The following CSMD1 variants were observed in gnomAD, a reference collection of about 807,000 sequenced individuals.
The protein encoded by CSMD1 is CUB and sushi domain-containing protein 1.
CSMD1 carries 213 observed loss-of-function variants against 417.5 expected under a neutral mutation model. The ratio of observed to expected loss-of-function variants is 0.51; its 90% CI spans 0.46 to 0.57. The LOEUF is 0.57. Among genes scored for constraint, CSMD1 ranks in the 20% least tolerant of loss-of-function variants. The probability of loss-of-function intolerance (pLI) is 0.00; values close to 1 mark genes in which losing one functional copy is unlikely to be tolerated. For synonymous variants in CSMD1, 2,862 were observed against 1,736.8 expected (o/e 1.65, Z -16.11); for missense variants, 6,923 against 4,529.7 (o/e 1.53, Z -15.17).
At chr8:4,282,385 C>T (rs191890948) in intron 3 of CSMD1, among the ~76,000 whole-genome samples, 7 of 152,270 alleles carry the variant, frequency 4.6e-5, no homozygotes, top group African/African-American at 1.7e-4. Flanking sequence ...TTCATTTTCT[C>T]GGACTCATTA....
At chr8:3,949,782 C>G (rs1185028750) in intron 5 of CSMD1, among the ~76,000 whole-genome samples, 1 of 152,162 alleles carries the variant, frequency 6.6e-6, no homozygotes, top group Non-Finnish European at 1.5e-5. Context: ...GCCACAAGCA[C>G]TGTTGCCTCT....
intron 27 of CSMD1, among the ~76,000 whole-genome samples, chr8:3,228,305 A>G (rs953433260): frequency 4.6e-5 from 7 of 152,258 alleles, no homozygotes; most frequent in African/African-American, 1.7e-4. Flanking sequence ...AATTATAATT[A>G]ACTCATGCCC....
chr8:4,709,880 T>A (rs1808181651), intron 1 of CSMD1, among the ~76,000 whole-genome samples: 1 of 152,088 alleles, frequency 6.6e-6, no homozygotes, highest in Admixed American at 6.5e-5. Context: ...CAATGAACGT[T>A]TAAAGTAAAC....
At chr8:3,011,093 A>C (rs949671726) in intron 52 of CSMD1, among the ~76,000 whole-genome samples, 8 of 152,226 alleles carry the variant, frequency 5.3e-5, no homozygotes, top group Admixed American at 3.3e-4. Flanking sequence ...TAGATTTCAT[A>C]AAAGAAGAAC....
At chr8:3,724,424 T>G (rs1307902742) in intron 6 of CSMD1, among the ~76,000 whole-genome samples, 2 of 152,202 alleles carry the variant, frequency 1.3e-5, no homozygotes, top group Non-Finnish European at 2.9e-5. Flanking sequence ...TTAAATGAAG[T>G]GATAAACATT....
intron 10 of CSMD1, among the ~76,000 whole-genome samples, chr8:3,535,283 A>C (rs1032891107): frequency 1.5e-4 from 23 of 152,118 alleles, no homozygotes; most frequent in African/African-American, 4.3e-4. Context: ...GACGACACTG[A>C]AATAGTTATT....
intron 5 of CSMD1, among the ~76,000 whole-genome samples, chr8:3,871,863 T>C (rs972718573): frequency 3.3e-5 from 5 of 152,158 alleles, no homozygotes; most frequent in African/African-American, 1.2e-4. Flanking sequence ...AGAACTCCCT[T>C]CTGAAAGAAA....
chr8:4,398,053 A>G (rs545548642), intron 3 of CSMD1, among the ~76,000 whole-genome samples: 5 of 152,334 alleles, frequency 3.3e-5, no homozygotes, highest in Admixed American at 2.6e-4. Flanking sequence ...CTCTCTAGAA[A>G]TATCAAATAG....
In CSMD1 at chr8:4,201,432, G is replaced by A. The variant is rs997883814; in HGVS notation, c.416-169333C>T. 2.6e-5 allele frequency among the ~76,000 whole-genome samples: 4 copies of A among 151,284 alleles called. No individual in the cohort carries two copies. The East Asian group carries it at 5.9e-4, about 22-fold the overall frequency. The stretch of plus-strand genomic sequence containing the variant: ...GGGCGCCTGTAGTCCCAGCTACTCA[G>A]GAGGCTGAGGCAGGAGAATGGCATG... On this transcript the variant is annotated intron_variant, in intron 3 of 69. Coordinates refer to ENST00000635120, the MANE Select transcript of CSMD1 (RefSeq NM_033225.6).
intron 5 of CSMD1, among the ~76,000 whole-genome samples, chr8:3,926,111 AC>A (rs1199309911): frequency 5.6e-5 from 5 of 89,902 alleles, no homozygotes; most frequent in African/African-American, 8.9e-5. Context: ...ACACACACAC[AC>A]ACACACACAC....
chr8:4,591,485 C>A (rs185577227), intron 2 of CSMD1, among the ~76,000 whole-genome samples: 2 of 152,266 alleles, frequency 1.3e-5, no homozygotes, highest in African/African-American at 2.4e-5. Context: ...GAGCTGTAAA[C>A]CTGCATGGTA....
chr8:3,503,480 G>A (rs78250773), intron 10 of CSMD1, among the ~76,000 whole-genome samples: 1,919 of 152,316 alleles, frequency 0.013, 24 homozygotes, highest in South Asian at 0.024. Context: ...TTGGGACGGC[G>A]GCATCAGCTG....
At chr8:3,880,268 A>G (rs988767058) in intron 5 of CSMD1, among the ~76,000 whole-genome samples, 1 of 152,164 alleles carries the variant, frequency 6.6e-6, no homozygotes, top group East Asian at 1.9e-4. Flanking sequence ...TGAGAACTCA[A>G]ATTCTCTTGC....
intron 3 of CSMD1, among the ~76,000 whole-genome samples, chr8:4,106,782 C>A (rs1801590487): frequency 6.6e-6 from 1 of 152,146 alleles, no homozygotes; most frequent in Admixed American, 6.5e-5. Flanking sequence ...GCCACAGTGG[C>A]TGACGGCGAT....
chr8:4,346,634 G>A lies in CSMD1; in HGVS notation c.415+73319C>T, dbSNP rs376954748. ...GGAATCAAATTTAAAAGAAAAAAATGGTAAGTGAAATCTTCATTGCAATTT... is the reference window on the plus strand; with the variant it reads ...GGAATCAAATTTAAAAGAAAAAAATAGTAAGTGAAATCTTCATTGCAATTT... On this transcript the variant is annotated intron_variant, in intron 3 of 69. Coordinates refer to ENST00000635120, the MANE Select transcript of CSMD1 (RefSeq NM_033225.6). Among the ~76,000 whole-genome samples, 8 of 152,216 alleles carry A rather than the reference G, an allele frequency of 5.3e-5. No individual in the cohort carries two copies. The South Asian group carries it at 8.3e-4, about 16-fold the overall frequency.
Position 3,199,920 on chromosome 8 carries a change from TA to T in CSMD1, c.5099-112del. On this transcript the variant is annotated intron_variant, in intron 32 of 69. Coordinates refer to ENST00000635120, the MANE Select transcript of CSMD1 (RefSeq NM_033225.6). ...ATTTCACATTTATTTTTTGAACTTT[TA>T]AAACATTTTCACTTTATGGTTTAAA... 3 of 628,298 alleles carry T rather than the reference TA, an allele frequency of 4.8e-6. No homozygotes were observed. In the East Asian group the frequency reaches 8.7e-5, roughly 18 times the overall value. The allele number at this position is 628,298 out of a possible 1,614,324, so 38.9% of individuals were successfully genotyped here. A position where few individuals can be genotyped will look rare whatever the true frequency, so the allele number is the denominator to read the frequency against.
At chr8:3,416,831 G>A (rs1457132360) in intron 12 of CSMD1, among the ~76,000 whole-genome samples, 1 of 152,216 alleles carries the variant, frequency 6.6e-6, no homozygotes, top group Non-Finnish European at 1.5e-5. Context: ...AGAACTCCAT[G>A]AATGACAGCT....
At chr8:4,377,525 G>T (rs1415008959) in intron 3 of CSMD1, among the ~76,000 whole-genome samples, 1 of 152,108 alleles carries the variant, frequency 6.6e-6, no homozygotes, top group Non-Finnish European at 1.5e-5. Flanking sequence ...GGACCCAGGA[G>T]AACTAATATA....
At chr8:4,213,513 G>A (rs924073530) in intron 3 of CSMD1, among the ~76,000 whole-genome samples, 8 of 152,210 alleles carry the variant, frequency 5.3e-5, no homozygotes, top group Non-Finnish European at 1.0e-4. Flanking sequence ...AAATTTGGTG[G>A]TGCGTTAATG....
Sources: gnomAD v4.1 joint callset for allele counts (sites outside exome capture counted in the v4.1 genomes callset) on GRCh38, gnomAD v4.1.1 for gene constraint, MANE v1.5 for transcripts, NCBI Gene and HGNC (gene_info 2026-07-23, HGNC 2026-07-21) for gene names.